The following ZNF385B variants were observed in gnomAD, a reference collection of about 807,000 sequenced individuals.
ZNF385B encodes the protein zinc finger protein 385B.
ZNF385B carries 23 observed loss-of-function variants against 39.2 expected under a neutral mutation model. The observed-to-expected ratio is 0.59, with a 90% CI of 0.42 to 0.83. The LOEUF (loss-of-function observed/expected upper bound fraction) is 0.83, where lower values mean the gene tolerates loss of function less well. Ranked by LOEUF, ZNF385B falls within the 40% of genes least tolerant of loss-of-function variation. The pLI is 0.00. For synonymous variants in ZNF385B, 205 were observed against 222.6 expected (o/e 0.92, Z 0.70); for missense variants, 552 against 598.9 (o/e 0.92, Z 0.82).
chr2:179,522,183 C>T (rs2058552938), intron 4 of ZNF385B, among the ~76,000 whole-genome samples: 1 of 152,140 alleles, frequency 6.6e-6, no homozygotes, highest in Non-Finnish European at 1.5e-5. Context: ...CGAGTCATTT[C>T]AATGGGATCC....
chr2:179,469,307 G>T (rs1021092568), intron 6 of ZNF385B, among the ~76,000 whole-genome samples: 1 of 152,036 alleles, frequency 6.6e-6, no homozygotes, highest in Non-Finnish European at 1.5e-5. Flanking sequence ...AAATTAAATC[G>T]CAAAAAAATC....
intron 5 of ZNF385B, among the ~76,000 whole-genome samples, chr2:179,513,786 CT>C (rs1184164221): frequency 1.3e-5 from 2 of 152,106 alleles, no homozygotes; most frequent in Admixed American, 6.6e-5. Flanking sequence ...TAGCAAAGTG[CT>C]TATCATACAG....
chr2:179,475,253 T>TTC (rs745885024), intron 6 of ZNF385B, among the ~76,000 whole-genome samples: 3 of 101,838 alleles, frequency 2.9e-5, no homozygotes, highest in Non-Finnish European at 7.0e-5. Flanking sequence ...ATCGCACAAT[T>TTC]TTTTTTTTTT....
intron 6 of ZNF385B, among the ~76,000 whole-genome samples, chr2:179,458,882 T>G (rs1000390610): frequency 3.9e-5 from 6 of 152,240 alleles, no homozygotes; most frequent in Admixed American, 2.6e-4. Flanking sequence ...GGAGATTTAC[T>G]CATTTCTCTG....
At chr2:179,708,952 C>T (rs1699809569) in intron 3 of ZNF385B, among the ~76,000 whole-genome samples, 3 of 152,206 alleles carry the variant, frequency 2.0e-5, no homozygotes, top group Non-Finnish European at 2.9e-5. Flanking sequence ...AAGGTGGTCT[C>T]TGCAATGTAT....
chr2:179,717,178 T>C (rs1185322551), intron 3 of ZNF385B, among the ~76,000 whole-genome samples: 1 of 152,178 alleles, frequency 6.6e-6, no homozygotes, highest in Non-Finnish European at 1.5e-5. Flanking sequence ...TTATATAAAA[T>C]GAGAAATCAA....
chr2:179,503,116 C>G (rs2056915820), intron 5 of ZNF385B, among the ~76,000 whole-genome samples: 1 of 152,182 alleles, frequency 6.6e-6, no homozygotes, highest in Non-Finnish European at 1.5e-5. Flanking sequence ...CTCAAGTGAT[C>G]TGACTGTCTC....
intron 3 of ZNF385B, among the ~76,000 whole-genome samples, chr2:179,700,353 T>C (rs1699094698): frequency 6.6e-6 from 1 of 152,226 alleles, no homozygotes; most frequent in African/African-American, 2.4e-5. Context: ...CCTTTCCATC[T>C]AACTTTTCCA....
intron 5 of ZNF385B, among the ~76,000 whole-genome samples, chr2:179,493,064 G>T (rs1271189843): frequency 6.6e-6 from 1 of 152,044 alleles, no homozygotes; most frequent in Non-Finnish European, 1.5e-5. Flanking sequence ...ATCAACAAAT[G>T]CTAGTGGGTT....
intron 1 of ZNF385B, among the ~76,000 whole-genome samples, chr2:179,771,432 T>A (rs1559180148): frequency 6.6e-6 from 1 of 152,232 alleles, no homozygotes; most frequent in Non-Finnish European, 1.5e-5. Flanking sequence ...AACCTACTTG[T>A]CCCTTTTAAT....
At chr2:179,524,065 TG>T (rs35537423) in intron 4 of ZNF385B, among the ~76,000 whole-genome samples, 1 of 152,110 alleles carries the variant, frequency 6.6e-6, no homozygotes, top group Non-Finnish European at 1.5e-5. Context: ...TTCAAAGTGC[TG>T]GGATTACAGA....
At chr2:179,667,611 T>A (rs1695340676) in intron 3 of ZNF385B, among the ~76,000 whole-genome samples, 1 of 152,180 alleles carries the variant, frequency 6.6e-6, no homozygotes, top group South Asian at 2.1e-4. Flanking sequence ...CAAAACGATG[T>A]GCTAATCCAT....
At chr2:179,465,763 C>T (rs990620330) in intron 6 of ZNF385B, among the ~76,000 whole-genome samples, 7 of 152,174 alleles carry the variant, frequency 4.6e-5, no homozygotes, top group African/African-American at 1.7e-4. Context: ...CCCATGTCTT[C>T]CCTTCTTCCC....
chr2:179,511,692 A>G (rs2105778450), intron 5 of ZNF385B, among the ~76,000 whole-genome samples: 1 of 152,316 alleles, frequency 6.6e-6, no homozygotes, highest in African/African-American at 2.4e-5. Context: ...TGATTACCCT[A>G]CCATTTTAAC....
At chr2:179,750,259 C>G (rs17773927) in intron 3 of ZNF385B, among the ~76,000 whole-genome samples, 14,000 of 152,116 alleles carry the variant, frequency 0.092, 719 homozygotes, top group Non-Finnish European at 0.11. Context: ...CCAAAATTCT[C>G]TACTCTCATT....
intron 6 of ZNF385B, among the ~76,000 whole-genome samples, chr2:179,479,320 G>C (rs1477447675): frequency 6.6e-6 from 1 of 152,080 alleles, no homozygotes; most frequent in Non-Finnish European, 1.5e-5. Context: ...AAGAAAGCTT[G>C]CCATGATATC....
At chr2:179,774,082 C>T (rs539183220) in intron 1 of ZNF385B, among the ~76,000 whole-genome samples, 69 of 149,922 alleles carry the variant, frequency 4.6e-4, no homozygotes, top group East Asian at 2.2e-3. Flanking sequence ...GTGGTATGTG[C>T]GGGGGTGTAT....
intron 3 of ZNF385B, among the ~76,000 whole-genome samples, chr2:179,748,507 A>G (rs73046887): frequency 0.092 from 14,071 of 152,160 alleles, 731 homozygotes; most frequent in Non-Finnish European, 0.11. Context: ...AGTGCATGTG[A>G]CACTGTCAGA....
intron 3 of ZNF385B, among the ~76,000 whole-genome samples, chr2:179,673,828 C>T (rs1029094958): frequency 1.4e-4 from 21 of 152,180 alleles, no homozygotes; most frequent in Admixed American, 9.8e-4. Flanking sequence ...TTTTAAAATA[C>T]TCTCACAATG....
Sources: allele counts gnomAD v4.1 joint callset (sites outside exome capture counted in the v4.1 genomes callset), GRCh38; gene constraint gnomAD v4.1.1; transcripts MANE v1.5; gene names NCBI Gene and HGNC (gene_info 2026-07-23, HGNC 2026-07-21).